The following SUMF1 variants were observed in gnomAD, a reference collection of about 807,000 sequenced individuals.
SUMF1 encodes formylglycine-generating enzyme.
A neutral mutation model predicts 47.6 loss-of-function variants in SUMF1; 48 were observed. The ratio of observed to expected loss-of-function variants is 1.01; its 90% confidence interval spans 0.80 to 1.28. SUMF1 has a LOEUF of 1.28. SUMF1 is among the 50% of genes most tolerant of loss of function. The pLI is 0.00. For synonymous variants in SUMF1, 230 were observed against 192.1 expected (o/e 1.20, Z -1.63); for missense variants, 571 against 485.4 (o/e 1.18, Z -1.66).
chr3:4,071,833 A>G (rs569701930), intron 8 of SUMF1, among the ~76,000 whole-genome samples: 3 of 152,318 alleles, frequency 2.0e-5, no homozygotes, highest in Admixed American at 6.5e-5. Context: ...TCCCTGGGAC[A>G]GAGCACCTGA....
chr3:4,366,881 A>C (rs1050409818), intron 8 of SUMF1, among the ~76,000 whole-genome samples: 1 of 152,092 alleles, frequency 6.6e-6, no homozygotes, highest in Non-Finnish European at 1.5e-5. Context: ...ATGGTGATGT[A>C]CAGATGGGTT....
At chr3:4,052,526 C>A (rs553124055) in intron 9 of SUMF1, among the ~76,000 whole-genome samples, 3 of 152,302 alleles carry the variant, frequency 2.0e-5, no homozygotes, top group Admixed American at 6.5e-5. Context: ...TCAAGTGGAA[C>A]TACTCTAACA....
chr3:4,145,278 G>T (rs778066746), intron 8 of SUMF1, among the ~76,000 whole-genome samples: 12 of 151,144 alleles, frequency 7.9e-5, no homozygotes, highest in Non-Finnish European at 1.6e-4. Context: ...ATTGCTGAGT[G>T]CCAGAATCTA....
At chr3:4,416,340 C>T (rs1701711552) in intron 6 of SUMF1, among the ~76,000 whole-genome samples, 1 of 151,736 alleles carries the variant, frequency 6.6e-6, no homozygotes, top group Non-Finnish European at 1.5e-5. Context: ...CCAGTAAATA[C>T]ATTGGGGTTT....
intron 8 of SUMF1, among the ~76,000 whole-genome samples, chr3:4,154,284 T>A (rs570442106): frequency 2.6e-5 from 4 of 151,448 alleles, no homozygotes; most frequent in Non-Finnish European, 5.9e-5. Context: ...AACCATCACA[T>A]AAAGTGACTC....
At chr3:4,325,510 A>C (rs996365530) in intron 8 of SUMF1, among the ~76,000 whole-genome samples, 8 of 152,034 alleles carry the variant, frequency 5.3e-5, no homozygotes, top group African/African-American at 1.4e-4. Flanking sequence ...GCAGGCACGA[A>C]GGTGGCATAT....
chr3:4,317,280 A>T, intron 8 of SUMF1: 1 of 1,412,784 alleles, frequency 7.1e-7, no homozygotes, highest in South Asian at 1.3e-5. Context: ...TAATGATTTA[A>T]AATTCACAGT....
intron 2 of SUMF1, among the ~76,000 whole-genome samples, chr3:4,451,984 AAAAAAGGTTTCT>A (rs1203810542): frequency 1.3e-5 from 2 of 149,984 alleles, no homozygotes; most frequent in Non-Finnish European, 1.5e-5. Flanking sequence ...CGCCTGGCCC[AAAAAAGGTTTCT>A]AACCACTTTA....
At chr3:4,236,978 A>G (rs554965034) in intron 8 of SUMF1, among the ~76,000 whole-genome samples, 9 of 152,252 alleles carry the variant, frequency 5.9e-5, no homozygotes, top group African/African-American at 1.9e-4. Flanking sequence ...ATGTCATATA[A>G]TAGAAATTAT....
intron 7 of SUMF1, among the ~76,000 whole-genome samples, chr3:4,387,339 A>G (rs563511952): frequency 3.9e-5 from 6 of 152,102 alleles, no homozygotes; most frequent in African/African-American, 1.4e-4. Flanking sequence ...GAGTTTTTTG[A>G]GGAAGTGTTG....
intron 9 of SUMF1, among the ~76,000 whole-genome samples, chr3:4,045,447 T>A (rs758845881): frequency 6.6e-6 from 1 of 151,794 alleles, no homozygotes; most frequent in Non-Finnish European, 1.5e-5. Flanking sequence ...TCTCTTGTTA[T>A]ACCTTGACTG....
At chr3:4,307,789 C>T (rs556484215) in intron 8 of SUMF1, among the ~76,000 whole-genome samples, 1 of 152,294 alleles carries the variant, frequency 6.6e-6, no homozygotes, top group South Asian at 2.1e-4. Context: ...ATAATCCCAA[C>T]CCTTTTGGAG....
rs535381527 is a variant in SUMF1 at position 4,244,661 on chromosome 3, C to T, written c.1014+131669G>A. On this transcript the variant is annotated intron_variant and NMD_transcript_variant, in intron 8 of 12. Transcript: ENST00000448413. Reference sequence around the variant, plus strand: ...GATGGGCTTCCCTTTGTGTGTAACCCGACCTTTCTCTCTGGCTGCCCTTAA... The same window carrying T: ...GATGGGCTTCCCTTTGTGTGTAACCTGACCTTTCTCTCTGGCTGCCCTTAA... Among the ~76,000 whole-genome samples, 10 of 152,228 alleles carry T rather than the reference C, an allele frequency of 6.6e-5. No homozygotes were observed. The East Asian group carries it at 1.2e-3, about 18-fold the overall frequency.
chr3:4,238,289 C>T (rs1214773770), intron 8 of SUMF1, among the ~76,000 whole-genome samples: 1 of 152,114 alleles, frequency 6.6e-6, no homozygotes, highest in South Asian at 2.1e-4. Context: ...TGGGTATATA[C>T]CCAGTAACGG....
intron 7 of SUMF1, among the ~76,000 whole-genome samples, chr3:4,378,196 C>T (rs149281942): frequency 1.2e-4 from 19 of 152,276 alleles, no homozygotes; most frequent in Admixed American, 9.8e-4. Flanking sequence ...ATGTTCAGAA[C>T]ACTCATGTTA....
chr3:4,367,157 C>T (rs955635686), intron 8 of SUMF1, among the ~76,000 whole-genome samples: 15 of 152,250 alleles, frequency 9.9e-5, no homozygotes, highest in African/African-American at 2.4e-4. Flanking sequence ...TTAGGCTGCT[C>T]GGGGGTCAGG....
chr3:4,065,561 C>G (rs1308497863), intron 9 of SUMF1, among the ~76,000 whole-genome samples: 1 of 152,040 alleles, frequency 6.6e-6, no homozygotes, highest in African/African-American at 2.4e-5. Flanking sequence ...TTACGCTGAA[C>G]AAAGCATTCA....
At chr3:4,406,545 A>G (rs1196504564) in intron 7 of SUMF1, among the ~76,000 whole-genome samples, 1 of 152,218 alleles carries the variant, frequency 6.6e-6, no homozygotes, top group Admixed American at 6.5e-5. Flanking sequence ...CTGTAATCCC[A>G]GCTATTCGGG....
intron 1 of SUMF1, among the ~76,000 whole-genome samples, chr3:4,466,714 T>C (rs1392513474): frequency 1.3e-5 from 2 of 152,114 alleles, no homozygotes; most frequent in African/African-American, 2.4e-5. Context: ...AGATCCTCAT[T>C]AAGAGAACAG....
Sources: gnomAD v4.1 joint callset for allele counts (sites outside exome capture counted in the v4.1 genomes callset) on GRCh38, gnomAD v4.1.1 for gene constraint, MANE v1.5 for transcripts, NCBI Gene and HGNC (gene_info 2026-07-23, HGNC 2026-07-21) for gene names.